WNT7A: variants seen among roughly 807,000 people sequenced by gnomAD.
The protein encoded by WNT7A is Wnt family member 7A.
WNT7A carries 16 observed loss-of-function variants against 28.2 expected under a neutral mutation model. The observed-to-expected ratio is 0.57, with a 90% confidence interval of 0.38 to 0.86. The LOEUF is 0.86. Ranked by LOEUF, WNT7A falls within the 40% of genes least tolerant of loss-of-function variation. The probability of loss-of-function intolerance (pLI) is 0.00; values close to 1 mark genes in which losing one functional copy is unlikely to be tolerated. For synonymous variants in WNT7A, 190 were observed against 195.9 expected (o/e 0.97, Z 0.25); for missense variants, 411 against 489.7 (o/e 0.84, Z 1.52).
chr3:13,821,358 C>T (rs1469554301), intron 3 of WNT7A, among the ~76,000 whole-genome samples: 1 of 152,204 alleles, frequency 6.6e-6, no homozygotes, highest in Non-Finnish European at 1.5e-5. Flanking sequence ...GTTAGAAACC[C>T]GTTTTCCAGT....
intron 2 of WNT7A, among the ~76,000 whole-genome samples, chr3:13,857,926 G>A (rs963676288): frequency 2.6e-5 from 4 of 152,216 alleles, no homozygotes; most frequent in African/African-American, 9.6e-5. Flanking sequence ...ACTTAGCACA[G>A]AGGTTGGCAT....
chr3:13,879,846 C>T lies in WNT7A; in HGVS notation c.-30G>A. 1 of 1,593,052 alleles carries T rather than the reference C, an allele frequency of 6.3e-7. No individual in the cohort carries two copies. The highest frequency in any genetic ancestry group is 1.1e-5 in the South Asian group (1 of 88,516). ...CCGATTGGCCGCCGGGGCCGCGGGC[C>T]GGGCTGTGCTGATCCCGCGGGCCGG... On this transcript the variant is annotated 5_prime_UTR_variant, in exon 1 of 4. Transcript: ENST00000285018.
intron 3 of WNT7A, among the ~76,000 whole-genome samples, chr3:13,842,835 G>A (rs991003105): frequency 1.4e-4 from 22 of 152,194 alleles, no homozygotes; most frequent in African/African-American, 5.3e-4. Flanking sequence ...GGATGCACAG[G>A]ACTTGTGTTC....
chr3:13,866,365 G>A (rs1694910037), intron 2 of WNT7A, among the ~76,000 whole-genome samples: 1 of 152,238 alleles, frequency 6.6e-6, no homozygotes, highest in African/African-American at 2.4e-5. Context: ...CTCGCCACCT[G>A]TGGGAATGGT....
intron 3 of WNT7A, among the ~76,000 whole-genome samples, chr3:13,834,117 G>A (rs1437508709): frequency 1.3e-5 from 2 of 152,208 alleles, no homozygotes; most frequent in Non-Finnish European, 2.9e-5. Context: ...CCACAGCCTG[G>A]CTGGAAAATG....
At chr3:13,879,450 T>C (rs1695172748) in intron 1 of WNT7A, among the ~76,000 whole-genome samples, 1 of 152,158 alleles carries the variant, frequency 6.6e-6, no homozygotes, top group Admixed American at 6.5e-5. Context: ...GCTGAACCTT[T>C]GCAGCAGCTA....
At chr3:13,862,431 AT>A (rs201837013) in intron 2 of WNT7A, among the ~76,000 whole-genome samples, 7 of 151,776 alleles carry the variant, frequency 4.6e-5, no homozygotes, top group African/African-American at 1.2e-4. Flanking sequence ...AGTGCATTGT[AT>A]TTTTTTTTCT....
At position 13,861,751 on chromosome 3, in the gene WNT7A, G is replaced by C. The variant is rs140889879; in HGVS notation, c.299-6948C>G. Among the ~76,000 whole-genome samples, 950 of 152,268 alleles carry C rather than the reference G, an allele frequency of 6.2e-3. 10 individuals carry two copies. The highest frequency in any genetic ancestry group is 0.022 in the African/African-American group (908 of 41,564). On this transcript the variant is annotated intron_variant, in intron 2 of 3. Coordinates refer to ENST00000285018, the MANE Select transcript of WNT7A (RefSeq NM_004625.4). ...ATTCTGCCAGCCCTTCCTCTCCCCA[G>C]AATCAGAGAAGAGATTCCTAGAGCC... is the stretch of plus-strand genomic sequence containing the variant.
intron 3 of WNT7A, among the ~76,000 whole-genome samples, chr3:13,848,808 G>A (rs1395323658): frequency 3.3e-5 from 5 of 152,168 alleles, no homozygotes; most frequent in Non-Finnish European, 7.3e-5. Flanking sequence ...GGACACAGCA[G>A]CTTTATTTGT....
intron 3 of WNT7A, among the ~76,000 whole-genome samples, chr3:13,828,326 G>T (rs541788206): frequency 6.6e-6 from 1 of 152,332 alleles, no homozygotes; most frequent in Non-Finnish European, 1.5e-5. Context: ...GAAATAGAGA[G>T]GGGGCAAGGA....
chr3:13,868,778 G>GA (rs1282817011), intron 2 of WNT7A, among the ~76,000 whole-genome samples: 10 of 84,438 alleles, frequency 1.2e-4, no homozygotes, highest in Admixed American at 2.6e-4. Flanking sequence ...GAAGGGAAGG[G>GA]AGGAAGGAAG....
rs948006711 is a variant in WNT7A at position 13,879,954 on chromosome 3, C to T, written c.-138G>A. ...GGCCGTCTGTCGGTGCGCCCGTCCG[C>T]GCGCTCCGCGCCTGAGCCTCGCCAG... On this transcript the variant is annotated 5_prime_UTR_variant, in exon 1 of 4. Transcript: ENST00000285018. 4.4e-5 allele frequency: 25 copies of T among 569,472 alleles called. No homozygotes were observed. The highest frequency in any genetic ancestry group is 4.3e-4 in the African/African-American group (22 of 50,814). 35.3% of individuals were successfully genotyped at this position (569,472 alleles called of 1,614,324 possible).
chr3:13,878,951 A>T (rs1263729098), intron 1 of WNT7A, among the ~76,000 whole-genome samples: 1 of 150,798 alleles, frequency 6.6e-6, no homozygotes, highest in Non-Finnish European at 1.5e-5. Flanking sequence ...CCCGAGCCCC[A>T]CCTCCACAGA....
chr3:13,856,887 GAAGAAAAAGAAGAAGAAGAAGAAGAAGAA>G (rs1694741995), intron 2 of WNT7A, among the ~76,000 whole-genome samples: 2 of 68,552 alleles, frequency 2.9e-5, no homozygotes, highest in Admixed American at 1.5e-4. Flanking sequence ...AGAGGAAGAA[GAAGAAAAAGAAGAAGAAGAAGAAGAAGAA>G]GAAGAAGAAG....
intron 2 of WNT7A, among the ~76,000 whole-genome samples, chr3:13,866,828 G>T (rs565518175): frequency 2.4e-4 from 36 of 152,320 alleles, no homozygotes; most frequent in Non-Finnish European, 4.7e-4. Flanking sequence ...ATGCTGGATG[G>T]CTGCGTGGGT....
intron 2 of WNT7A, among the ~76,000 whole-genome samples, chr3:13,868,451 G>A (rs1694944392): frequency 1.4e-5 from 2 of 147,270 alleles, no homozygotes; most frequent in South Asian, 4.3e-4. Flanking sequence ...CTACAGCCTG[G>A]GTGACAGAGA....
intron 2 of WNT7A, 121 bp from the exon 3 acceptor site, chr3:13,854,924 G>T (rs1025129596): frequency 2.2e-6 from 3 of 1,350,776 alleles, no homozygotes; most frequent in Non-Finnish European, 3.1e-6. Context: ...GCTCGACTGA[G>T]TACCCGTTCC....
At chr3:13,836,176 T>G (rs1694364198) in intron 3 of WNT7A, among the ~76,000 whole-genome samples, 2 of 147,694 alleles carry the variant, frequency 1.4e-5, no homozygotes, top group African/African-American at 5.0e-5. Context: ...GGCATGAGAA[T>G]TATATCTCAG....
intron 3 of WNT7A, among the ~76,000 whole-genome samples, chr3:13,848,124 A>G (rs768752980): frequency 1.2e-4 from 19 of 152,266 alleles, no homozygotes; most frequent in African/African-American, 1.7e-4. Flanking sequence ...GAAAAAAAAT[A>G]TGGCAAAATC....
Sources: allele counts gnomAD v4.1 joint callset (sites outside exome capture counted in the v4.1 genomes callset), GRCh38; gene constraint gnomAD v4.1.1; transcripts MANE v1.5; gene names NCBI Gene and HGNC (gene_info 2026-07-23, HGNC 2026-07-21).